The following PRKCH variants were observed in gnomAD, a reference collection of about 807,000 sequenced individuals.
The protein encoded by PRKCH is protein kinase C eta type.
Under a neutral mutation model 82.5 loss-of-function variants are expected in PRKCH, and 28 were observed. The observed-to-expected ratio is 0.34, with a 90% CI of 0.25 to 0.47. PRKCH has a LOEUF of 0.47. Ranked by LOEUF, PRKCH falls within the 20% of genes least tolerant of loss-of-function variation. PRKCH has a pLI of 1.00. For missense variants in PRKCH, 705 were observed against 881.8 expected (o/e 0.80, Z 2.54); for synonymous variants, 322 against 327.4 (o/e 0.98, Z 0.18).
At chr14:61,520,494 C>A (rs559041210) in intron 10 of PRKCH, among the ~76,000 whole-genome samples, 93 of 152,200 alleles carry the variant, frequency 6.1e-4, no homozygotes, top group African/African-American at 2.1e-3. Flanking sequence ...ATATTTACAA[C>A]CCATAGAACC....
upstream of PRKCH, among the ~76,000 whole-genome samples, chr14:61,317,352 A>T (rs2045571254): frequency 6.6e-6 from 1 of 152,156 alleles, no homozygotes; most frequent in Non-Finnish European, 1.5e-5. Context: ...CTACCCTAAC[A>T]GGCTTCCACT....
At chr14:61,541,046 A>G (rs760996746) in intron 12 of PRKCH, among the ~76,000 whole-genome samples, 3 of 152,278 alleles carry the variant, frequency 2.0e-5, no homozygotes, top group African/African-American at 7.2e-5. Flanking sequence ...GCCTTCTCCT[A>G]TGGAAAAGTG....
chr14:61,529,269 C>T, intron 11 of PRKCH, 56 bp downstream of exon 11: 1 of 1,538,718 alleles, frequency 6.5e-7, no homozygotes, highest in Non-Finnish European at 8.8e-7. Context: ...TAACTCTGAC[C>T]AGAAATGCCA....
intron 1 of PRKCH, among the ~76,000 whole-genome samples, chr14:61,294,160 GC>G (rs1246234092): frequency 1.3e-5 from 2 of 151,326 alleles, no homozygotes; most frequent in East Asian, 1.9e-4. Flanking sequence ...TCGCTCTGTC[GC>G]CCAGGCTGGA....
intron 1 of PRKCH, among the ~76,000 whole-genome samples, chr14:61,355,925 A>G (rs926391185): frequency 6.6e-6 from 1 of 152,202 alleles, no homozygotes; most frequent in Non-Finnish European, 1.5e-5. Flanking sequence ...GTCTCTTTCC[A>G]TGATAGATCT....
chr14:61,370,047 G>A (rs570083442), intron 1 of PRKCH, among the ~76,000 whole-genome samples: 5 of 151,962 alleles, frequency 3.3e-5, no homozygotes, highest in Admixed American at 2.0e-4. Flanking sequence ...AGGTTCAAGC[G>A]ATTCTCCTGT....
At chr14:61,239,610 A>C (rs1339357068) in intron 1 of PRKCH, among the ~76,000 whole-genome samples, 2 of 152,312 alleles carry the variant, frequency 1.3e-5, no homozygotes, top group African/African-American at 4.8e-5. Context: ...GGGCCTGAGA[A>C]GGGAGGAGTT....
chr14:61,402,374 A>C (rs1027125002), intron 2 of PRKCH, among the ~76,000 whole-genome samples: 16 of 152,262 alleles, frequency 1.1e-4, no homozygotes, highest in Admixed American at 3.3e-4. Flanking sequence ...TTAAAGAAGA[A>C]TATCTGCAAT....
chr14:61,377,083 A>G (rs1287931153), intron 1 of PRKCH, among the ~76,000 whole-genome samples: 1 of 152,152 alleles, frequency 6.6e-6, no homozygotes, highest in Non-Finnish European at 1.5e-5. Context: ...TCTACCTGTC[A>G]TCTCCCAGGT....
intron 1 of PRKCH, among the ~76,000 whole-genome samples, chr14:61,286,258 G>T (rs535315582): frequency 6.6e-6 from 1 of 152,246 alleles, no homozygotes; most frequent in African/African-American, 2.4e-5. Flanking sequence ...TACAGCATGC[G>T]CTCAGAAAAG....
At chr14:61,425,373 C>T (rs528848500) in intron 2 of PRKCH, among the ~76,000 whole-genome samples, 2 of 152,348 alleles carry the variant, frequency 1.3e-5, no homozygotes, top group African/African-American at 4.8e-5. Context: ...TGGGAGCCCA[C>T]CCCTTGTATC....
intron 10 of PRKCH, among the ~76,000 whole-genome samples, chr14:61,510,326 C>T (rs1887320700): frequency 6.6e-6 from 1 of 151,956 alleles, no homozygotes; most frequent in Admixed American, 6.6e-5. Context: ...GAGGAGTAAG[C>T]CTGGAAGCCA....
At chr14:61,406,611 A>C (rs140645737) in intron 2 of PRKCH, among the ~76,000 whole-genome samples, 68 of 152,308 alleles carry the variant, frequency 4.5e-4, no homozygotes, top group Non-Finnish European at 1.6e-4. Flanking sequence ...TACTGTTCTT[A>C]AAATGACAAC....
Position 61,354,404 on chromosome 14 carries a change from T to TTGTGTG in PRKCH, c.363+31970_363+31975dup, listed in dbSNP as rs3028729. On this transcript the variant is annotated intron_variant, in intron 1 of 13. Coordinates refer to ENST00000332981, the MANE Select transcript of PRKCH (RefSeq NM_006255.5). The stretch of plus-strand genomic sequence containing the variant: ...ACCATCTTCTTATTGCTGTTTCTAT[T>TTGTGTG]TGTGTGTGTGTGTGTGTGTGTGTGT... Among the ~76,000 whole-genome samples, 854 of 148,436 alleles carry TTGTGTG rather than the reference T, an allele frequency of 5.8e-3. 5 individuals carry two copies. Among genetic ancestry groups the TTGTGTG allele is most frequent in the Middle Eastern group, 0.024 (7 of 294 alleles).
intron 1 of PRKCH, among the ~76,000 whole-genome samples, chr14:61,273,558 C>A (rs918050117): frequency 3.3e-5 from 5 of 152,190 alleles, no homozygotes; most frequent in African/African-American, 1.2e-4. Flanking sequence ...ACATTGATTA[C>A]TTTTGAGCAT....
chr14:61,429,421 C>T (rs1883280970), intron 2 of PRKCH, among the ~76,000 whole-genome samples: 2 of 152,214 alleles, frequency 1.3e-5, no homozygotes, highest in African/African-American at 4.8e-5. Context: ...AGCATATGCT[C>T]TCGTCCACTG....
chr14:61,235,678 A>T (rs750023303), intron 1 of PRKCH, among the ~76,000 whole-genome samples: 1 of 152,236 alleles, frequency 6.6e-6, no homozygotes, highest in Non-Finnish European at 1.5e-5. Context: ...GTTTAAATAC[A>T]CTAACCCTCC....
intron 1 of PRKCH, among the ~76,000 whole-genome samples, chr14:61,382,519 G>A (rs2046527665): frequency 6.6e-6 from 1 of 152,120 alleles, no homozygotes; most frequent in African/African-American, 2.4e-5. Context: ...AAACCTGTTG[G>A]AATTTTTTTT....
intron 9 of PRKCH, among the ~76,000 whole-genome samples, chr14:61,475,599 A>G (rs966124906): frequency 6.6e-6 from 1 of 152,250 alleles, no homozygotes; most frequent in African/African-American, 2.4e-5. Context: ...TCATTAACCT[A>G]ATTAGAAGTC....
Sources: allele counts gnomAD v4.1 joint callset (sites outside exome capture counted in the v4.1 genomes callset), GRCh38; gene constraint gnomAD v4.1.1; transcripts MANE v1.5; gene names NCBI Gene and HGNC (gene_info 2026-07-23, HGNC 2026-07-21).